Variants in TNFRSF10B observed in about 807,000 individuals in gnomAD.
The protein encoded by TNFRSF10B is tumor necrosis factor receptor superfamily member 10B.
Under a neutral mutation model 41.4 loss-of-function variants are expected in TNFRSF10B, and 35 were observed. That is an observed-to-expected ratio of 0.85 (90% CI 0.65 to 1.12). The LOEUF is 1.12. TNFRSF10B is among the 50% of genes most tolerant of loss of function. The pLI is 0.00. For missense variants in TNFRSF10B, 584 were observed against 552.7 expected (o/e 1.06, Z -0.57); for synonymous variants, 230 against 215.5 (o/e 1.07, Z -0.59).
At chr8:23,055,519 C>CT (rs1554510886) in intron 1 of TNFRSF10B, among the ~76,000 whole-genome samples, 30,671 of 97,844 alleles carry the variant, frequency 0.31, 3,834 homozygotes, top group East Asian at 0.38. Flanking sequence ...CTATTAAATG[C>CT]TTAAAAAAAA....
chr8:23,068,689 C>T, intron 1 of TNFRSF10B, 62 bp downstream of exon 1: 2 of 1,539,216 alleles, frequency 1.3e-6, no homozygotes, highest in Non-Finnish European at 1.7e-6. Flanking sequence ...CCCCCTCTCT[C>T]CCTGCCCTCT....
chr8:23,068,604 C>G (rs1371474834), intron 1 of TNFRSF10B, 147 bp downstream of exon 1: 6 of 1,304,708 alleles, frequency 4.6e-6, no homozygotes, highest in Non-Finnish European at 6.2e-6. Flanking sequence ...TCTCTTCCCC[C>G]GACTCCGACG....
At chr8:23,040,406 T>TAC (rs371962835) in intron 2 of TNFRSF10B, among the ~76,000 whole-genome samples, 1 of 80,214 alleles carries the variant, frequency 1.2e-5, no homozygotes, top group African/African-American at 3.4e-5. Flanking sequence ...TAAATATATA[T>TAC]ACAAAATATA....
chr8:23,023,016 G>A (rs1388189253), intron 8 of TNFRSF10B, 32 bp from the exon 9 acceptor site: 23 of 1,603,812 alleles, frequency 1.4e-5, no homozygotes, highest in Non-Finnish European at 1.9e-5. Flanking sequence ...ACAGCCAGGT[G>A]AGTTGGGACT....
At chr8:23,067,906 T>C (rs1813041636) in intron 1 of TNFRSF10B, among the ~76,000 whole-genome samples, 1 of 152,170 alleles carries the variant, frequency 6.6e-6, no homozygotes, top group Non-Finnish European at 1.5e-5. Context: ...AATGTGATGA[T>C]TCAGAACCTC....
chr8:23,054,723 G>C (rs13275081), intron 1 of TNFRSF10B, among the ~76,000 whole-genome samples: 35,146 of 152,014 alleles, frequency 0.23, 4,455 homozygotes, highest in Non-Finnish European at 0.28. Flanking sequence ...GGAACCCCAA[G>C]TTATCTTGGA....
At chr8:23,037,729 G>A (rs924202014) in intron 2 of TNFRSF10B, among the ~76,000 whole-genome samples, 3 of 152,162 alleles carry the variant, frequency 2.0e-5, no homozygotes, top group African/African-American at 7.2e-5. Flanking sequence ...CATTTACAAT[G>A]TCAGCTGGGT....
At chr8:23,033,585 CAAAAAAAAAAAAAAAAAAAA>C (rs59282000) in intron 2 of TNFRSF10B, among the ~76,000 whole-genome samples, 197 of 62,280 alleles carry the variant, frequency 3.2e-3, no homozygotes, top group African/African-American at 0.015. Context: ...GACTCCGTCT[CAAAAAAAAAAAAAAAAAAAA>C]AAAAAAAAAA....
chr8:23,044,781 C>G (rs1812306042), intron 1 of TNFRSF10B, among the ~76,000 whole-genome samples: 1 of 151,290 alleles, frequency 6.6e-6, no homozygotes, highest in Non-Finnish European at 1.5e-5. Context: ...TAATAAAAAT[C>G]AGAGCAAAAA....
intron 1 of TNFRSF10B, among the ~76,000 whole-genome samples, chr8:23,048,101 C>T (rs1475255935): frequency 6.6e-6 from 1 of 152,004 alleles, no homozygotes; most frequent in Admixed American, 6.6e-5. Flanking sequence ...ATAAGTGAGG[C>T]ACAAAAAGAG....
At chr8:23,044,068 T>A (rs1282609359) in intron 1 of TNFRSF10B, among the ~76,000 whole-genome samples, 1 of 152,220 alleles carries the variant, frequency 6.6e-6, no homozygotes, top group African/African-American at 2.4e-5. Flanking sequence ...GACCATTTAA[T>A]TGAGAGGACA....
In TNFRSF10B at chr8:23,030,948, C is replaced by T. The variant is rs116447111; in HGVS notation, c.251-76G>A. ...AGCTGGCAGTGGTGGCTGGGGGACTCCTCTTTCAGGGATGTGTGGAACCAA... is the reference window on the plus strand; with the variant it reads ...AGCTGGCAGTGGTGGCTGGGGGACTTCTCTTTCAGGGATGTGTGGAACCAA... On this transcript the variant is annotated intron_variant, in intron 2 of 8. Transcript: ENST00000276431. 8.1e-4 allele frequency: 841 copies of T among 1,037,888 alleles called. 6 individuals carry two copies. In the African/African-American group the frequency reaches 9.9e-3, roughly 12 times the overall value. The allele number at this position is 1,037,888 out of a possible 1,614,324, so 64.3% of individuals were successfully genotyped here.
At chr8:23,059,403 C>T (rs1254979483) in intron 1 of TNFRSF10B, among the ~76,000 whole-genome samples, 3 of 152,224 alleles carry the variant, frequency 2.0e-5, no homozygotes, top group Non-Finnish European at 4.4e-5. Flanking sequence ...TTTTGAGGAA[C>T]TATCATACTG....
chr8:23,022,810 C>T lies in TNFRSF10B; in HGVS notation c.1184G>A (p.Arg395Gln), dbSNP rs775489972. 5.6e-6 allele frequency: 9 copies of T among 1,613,854 alleles called. No individual in the cohort carries two copies. Among genetic ancestry groups the T allele is most frequent in the Non-Finnish European group, 7.6e-6 (9 of 1,179,908 alleles). Residue 395 changes from arginine (R) to glutamine (Q), a missense_variant, in exon 9 of 9, where the codon CGA (arginine) becomes CAA (glutamine). Physicochemically the swap from Arg to Gln is conservative, Grantham distance 43 (BLOSUM62 1). Transcript: ENST00000276431. Reference sequence around the variant, plus strand: ...CAGCAGGGTGTGGACAGAGGCATCTCGCCCGGTTTTGTTGACCCACTTTAT... The same window carrying T: ...CAGCAGGGTGTGGACAGAGGCATCTTGCCCGGTTTTGTTGACCCACTTTAT... ...MLIKWVNKTGRDASVHTLLDA... is the reference protein window; with the variant it reads ...MLIKWVNKTGQDASVHTLLDA...
chr8:23,063,296 C>T (rs562514070), intron 1 of TNFRSF10B, among the ~76,000 whole-genome samples: 36 of 149,370 alleles, frequency 2.4e-4, no homozygotes, highest in African/African-American at 8.6e-4. Context: ...TGCAGTGAGC[C>T]GAGATTGCGC....
chr8:23,027,781 G>A, intron 5 of TNFRSF10B, 28 bp from the exon 6 acceptor site: 1 of 1,613,922 alleles, frequency 6.2e-7, no homozygotes, highest in Non-Finnish European at 8.5e-7. Context: ...TCCTTAGCAG[G>A]AAGGGAGGGG....
At chr8:23,055,012 C>T (rs1043468523) in intron 1 of TNFRSF10B, among the ~76,000 whole-genome samples, 9 of 152,160 alleles carry the variant, frequency 5.9e-5, no homozygotes, top group Admixed American at 4.6e-4. Flanking sequence ...ATTATAGTTA[C>T]ACCTGTTAAA....
At chr8:23,032,699 A>G (rs1011620803) in intron 2 of TNFRSF10B, among the ~76,000 whole-genome samples, 7 of 152,244 alleles carry the variant, frequency 4.6e-5, no homozygotes, top group African/African-American at 1.7e-4. Flanking sequence ...AATGTTTGAT[A>G]GTTTTCAGCG....
intron 6 of TNFRSF10B, 159 bp downstream of exon 6, chr8:23,027,563 A>C: frequency 5.1e-6 from 5 of 974,868 alleles, no homozygotes; most frequent in Non-Finnish European, 7.7e-6. Flanking sequence ...GGTGCTCAAA[A>C]TGGCCATGTG....
Sources: gnomAD v4.1 joint callset for allele counts (sites outside exome capture counted in the v4.1 genomes callset) on GRCh38, gnomAD v4.1.1 for gene constraint, MANE v1.5 for transcripts, NCBI Gene and HGNC (gene_info 2026-07-23, HGNC 2026-07-21) for gene names.